CATSPERD: variants seen among roughly 807,000 people sequenced by gnomAD.
CATSPERD encodes cation channel sperm-associated auxiliary subunit delta.
A neutral mutation model predicts 98.1 loss-of-function variants in CATSPERD; 86 were observed. The observed-to-expected ratio is 0.88, with a 90% CI of 0.74 to 1.05. The LOEUF is 1.05. Ranked by LOEUF, CATSPERD falls within the 50% of genes least tolerant of loss-of-function variation. The pLI, the probability that CATSPERD is intolerant of heterozygous loss-of-function variation, is 0.00. For missense variants in CATSPERD, 995 were observed against 1,005.7 expected (o/e 0.99, Z 0.14); for synonymous variants, 394 against 390.2 (o/e 1.01, Z -0.12).
intron 2 of CATSPERD, among the ~76,000 whole-genome samples, chr19:5,726,580 C>T (rs1335127203): frequency 6.6e-6 from 1 of 151,356 alleles, no homozygotes. Context: ...TGTGGTCTTG[C>T]TATGCTGCTT....
At chr19:5,777,559 G>C (rs144627350) in intron 21 of CATSPERD, among the ~76,000 whole-genome samples, 2,322 of 152,324 alleles carry the variant, frequency 0.015, 65 homozygotes, top group African/African-American at 0.053. Context: ...ACAGCTGCCA[G>C]AGGGCATGGA....
intron 9 of CATSPERD, among the ~76,000 whole-genome samples, chr19:5,746,998 A>G (rs1208980175): frequency 6.6e-6 from 1 of 151,062 alleles, no homozygotes; most frequent in Non-Finnish European, 1.5e-5. Context: ...ATGTGCCACC[A>G]TGCCTGGCTG....
rs748934111 is a variant in CATSPERD, at chr19:5,763,202, C to T, written c.1428-13C>T. 2.5e-5 allele frequency: 40 copies of T among 1,611,904 alleles called. No homozygotes were observed. The highest frequency in any genetic ancestry group is 1.8e-4 in the East Asian group (8 of 44,852). ...TGCTATTCTCTAATAACACAGGTTCCGTTGCCTTGCAGTTTAAAGAAAGCC... is the reference window on the plus strand; with the variant it reads ...TGCTATTCTCTAATAACACAGGTTCTGTTGCCTTGCAGTTTAAAGAAAGCC... On this transcript the variant is annotated splice_polypyrimidine_tract_variant and intron_variant, in intron 15 of 21. Transcript: ENST00000381624.
intron 17 of CATSPERD, among the ~76,000 whole-genome samples, chr19:5,766,486 A>G (rs1270259193): frequency 1.3e-5 from 2 of 150,922 alleles, no homozygotes; most frequent in South Asian, 2.1e-4. Context: ...AAGTATGTTG[A>G]TATTGGAGTG....
chr19:5,734,196 C>T (rs544102308), intron 5 of CATSPERD, among the ~76,000 whole-genome samples: 1 of 152,292 alleles, frequency 6.6e-6, no homozygotes, highest in African/African-American at 2.4e-5. Flanking sequence ...GCTACTTGGG[C>T]TTATTGAAAC....
chr19:5,763,257 A>G lies in CATSPERD; in HGVS notation c.1470A>G (p.Ala490=). 6.2e-7 allele frequency: 1 copy of G among 1,614,126 alleles called. No homozygotes were observed. Among genetic ancestry groups the G allele is most frequent in the Non-Finnish European group, 8.5e-7 (1 of 1,180,008 alleles). Residue 490 remains alanine, a synonymous_variant, in exon 16 of 22, where the codon GCA becomes GCG. Transcript: ENST00000381624. ...TGTCTACCTTAACTGTGGACATAGC[A>G]AACAAGGAAATTTCATGTGTGGATA... ...ATMSTLTVDI[A]NKEISCVDIK... is the part of the protein sequence containing the mutation.
rs567316402 is a variant in CATSPERD at position 5,735,294 on chromosome 19, C to T, written c.391+1324C>T. ...CTGGGGTCACAGGCACCCGCCACCA[C>T]GCCTGGCTAATTTTTTGTTTGTTAG... On this transcript the variant is annotated intron_variant, in intron 5 of 21. Transcript: ENST00000381624. 1.3e-4 allele frequency among the ~76,000 whole-genome samples: 19 copies of T among 151,948 alleles called. No homozygotes were observed. In the South Asian group the frequency reaches 2.9e-3, roughly 23 times the overall value.
intron 7 of CATSPERD, among the ~76,000 whole-genome samples, chr19:5,740,918 C>T (rs2055949999): frequency 6.6e-6 from 1 of 151,816 alleles, no homozygotes; most frequent in South Asian, 2.1e-4. Context: ...AACCCTGTCT[C>T]TACCAAAAAT....
At position 5,742,169 on chromosome 19, in the gene CATSPERD, T is replaced by C. The variant is rs78982281; in HGVS notation, c.574-2258T>C. On this transcript the variant is annotated intron_variant, in intron 7 of 21. Coordinates refer to ENST00000381624, the MANE Select transcript of CATSPERD (RefSeq NM_152784.4). ...GTACGTGTGTGAACGTGTGTGTGCG[T>C]GTGTGTATGTATGTGAACGTGTGTG... Among the ~76,000 whole-genome samples the C allele has an allele frequency of 4.7e-3, 507 of 107,568 alleles. 4 individuals carry two copies. Among genetic ancestry groups the C allele is most frequent in the African/African-American group, 0.015 (460 of 30,020 alleles). 70.6% of individuals were successfully genotyped at this position (107,568 alleles called of 152,430 possible).
intron 17 of CATSPERD, among the ~76,000 whole-genome samples, chr19:5,767,708 C>T (rs1185075495): frequency 2.0e-5 from 3 of 151,904 alleles, no homozygotes; most frequent in Middle Eastern, 3.4e-3. Context: ...AGGATGGCCT[C>T]GGCCTCCCAA....
intron 18 of CATSPERD, 36 bp downstream of exon 18, chr19:5,768,278 A>G: frequency 6.3e-7 from 1 of 1,579,774 alleles, no homozygotes; most frequent in South Asian, 1.1e-5. Context: ...CTGACACCCA[A>G]GGCGACCATT....
intron 20 of CATSPERD, chr19:5,775,279 C>T (rs1191712613): frequency 1.1e-5 from 5 of 471,174 alleles, no homozygotes; most frequent in East Asian, 1.4e-4. Context: ...GAAGAGAGCT[C>T]CCCGCTTCTA....
intron 12 of CATSPERD, chr19:5,753,729 C>G: frequency 3.9e-6 from 1 of 258,642 alleles, no homozygotes; most frequent in Middle Eastern, 1.1e-3. Flanking sequence ...TTGAATTAGC[C>G]GGGCATGGTG....
chr19:5,725,482 G>A (rs10402873), intron 2 of CATSPERD, among the ~76,000 whole-genome samples: 3,129 of 152,164 alleles, frequency 0.021, 111 homozygotes, highest in African/African-American at 0.071. Flanking sequence ...CATAGTAACA[G>A]TAGAAGCAAA....
intron 7 of CATSPERD, among the ~76,000 whole-genome samples, chr19:5,742,149 T>G (rs1015218703): frequency 1.9e-4 from 20 of 106,342 alleles, no homozygotes; most frequent in Admixed American, 4.9e-4. Context: ...CGTGTGTACG[T>G]GTGTGAACGT....
At position 5,764,310 on chromosome 19, in the gene CATSPERD, CTTTAT is replaced by C. The variant is rs2056498848; in HGVS notation, c.1506+1020_1506+1024del. Among the ~76,000 whole-genome samples the C allele has an allele frequency of 3.3e-5, 5 of 149,392 alleles. No homozygotes were observed. In the South Asian group the frequency reaches 8.6e-4, roughly 26 times the overall value. ...CATGTTTGTCTTGCTTTTTGGTTTG[CTTTAT>C]TTATTTTTTTTATTTTTTGAGACGG... On this transcript the variant is annotated intron_variant, in intron 16 of 21. Transcript: ENST00000381624.
intron 16 of CATSPERD, among the ~76,000 whole-genome samples, chr19:5,765,732 A>C (rs2056526305): frequency 6.6e-6 from 1 of 152,006 alleles, no homozygotes; most frequent in African/African-American, 2.4e-5. Flanking sequence ...GAATCGCTTG[A>C]ACCCAGGGGG....
chr19:5,778,136 G>A (rs2056765580), intron 21 of CATSPERD, among the ~76,000 whole-genome samples: 1 of 151,480 alleles, frequency 6.6e-6, no homozygotes, highest in Non-Finnish European at 1.5e-5. Flanking sequence ...GAATTCAGGA[G>A]GCGGAGGTTG....
At chr19:5,726,096 C>T (rs1213603817) in intron 2 of CATSPERD, among the ~76,000 whole-genome samples, 6 of 147,446 alleles carry the variant, frequency 4.1e-5, no homozygotes, top group Non-Finnish European at 6.0e-5. Flanking sequence ...GAGTCTTGCT[C>T]TGTCACCCAG....
Sources: gnomAD v4.1 joint callset for allele counts (sites outside exome capture counted in the v4.1 genomes callset) on GRCh38, gnomAD v4.1.1 for gene constraint, MANE v1.5 for transcripts, NCBI Gene and HGNC (gene_info 2026-07-23, HGNC 2026-07-21) for gene names.